ANK2: variants seen among roughly 807,000 people sequenced by gnomAD.
ANK2 encodes ankyrin-2.
ANK2 carries 83 observed loss-of-function variants against 360.5 expected under a neutral mutation model. That is an observed-to-expected ratio of 0.23 (90% CI 0.19 to 0.28). The LOEUF is 0.28. Ranked by LOEUF, ANK2 falls within the 10% of genes least tolerant of loss-of-function variation. ANK2 has a pLI of 1.00. For synonymous variants in ANK2, 1,740 were observed against 1,759.5 expected (o/e 0.99, Z 0.28); for missense variants, 4,201 against 4,795.7 (o/e 0.88, Z 3.66).
intron 22 of ANK2, 39 bp downstream of exon 22, chr4:113,293,577 C>T (rs776793683): frequency 2.6e-6 from 4 of 1,563,202 alleles, no homozygotes; most frequent in African/African-American, 1.4e-5. Flanking sequence ...CCCTGTTATT[C>T]TTCGTTTTCA....
chr4:113,323,680 A>G, intron 26 of ANK2: 1 of 1,382,246 alleles, frequency 7.2e-7, no homozygotes, highest in Non-Finnish European at 1.0e-6. Context: ...TGTATAAATA[A>G]TAAGTCACTT....
At chr4:113,140,423 T>C (rs2096595270) in intron 1 of ANK2, among the ~76,000 whole-genome samples, 1 of 152,218 alleles carries the variant, frequency 6.6e-6, no homozygotes, top group Admixed American at 6.5e-5. Context: ...AGATCTTACA[T>C]ATTAATGATG....
chr4:112,908,048 G>A (rs2085844253), intron 2 of ANK2, among the ~76,000 whole-genome samples: 1 of 152,134 alleles, frequency 6.6e-6, no homozygotes, highest in Non-Finnish European at 1.5e-5. Flanking sequence ...ACTTTGCCTA[G>A]GGCTGAAAAC....
At chr4:113,324,446 T>C (rs1387084197) in intron 26 of ANK2, among the ~76,000 whole-genome samples, 1 of 152,230 alleles carries the variant, frequency 6.6e-6, no homozygotes, top group East Asian at 1.9e-4. Flanking sequence ...CAGCCATCCA[T>C]TATGGTACTA....
At chr4:112,994,633 G>T (rs2047937597) in intron 2 of ANK2, among the ~76,000 whole-genome samples, 1 of 152,096 alleles carries the variant, frequency 6.6e-6, no homozygotes, top group South Asian at 2.1e-4. Flanking sequence ...TAGATTCAGG[G>T]GGTACATGTG....
chr4:113,269,094 CA>C (rs2057426425), intron 14 of ANK2, among the ~76,000 whole-genome samples: 1 of 152,168 alleles, frequency 6.6e-6, no homozygotes, highest in African/African-American at 2.4e-5. Context: ...TGGTGATACT[CA>C]AGCCTCTGTA....
Position 113,346,035 on chromosome 4 carries a change from C to A in ANK2, c.4371+13C>A. On this transcript the variant is annotated intron_variant, in intron 35 of 45. Transcript: ENST00000357077. The stretch of plus-strand genomic sequence containing the variant: ...GATTTATACAAAGGTATCGTAAAAT[C>A]TGCTATAGTGCAATTCAGGTAGAGT... 1 of 1,612,882 alleles carries A rather than the reference C, an allele frequency of 6.2e-7. No individual in the cohort carries two copies. The highest frequency in any genetic ancestry group is 1.1e-5 in the South Asian group (1 of 91,058).
chr4:112,993,426 G>C (rs527279554), intron 2 of ANK2, among the ~76,000 whole-genome samples: 4 of 150,584 alleles, frequency 2.7e-5, no homozygotes, highest in Admixed American at 2.0e-4. Context: ...CTCAGCCTTC[G>C]GAGTAGCTGG....
chr4:112,764,707 CTTT>C, the ANK2 span, among the ~76,000 whole-genome samples: 4 of 132,928 alleles, frequency 3.0e-5, no homozygotes, highest in Admixed American at 7.7e-5. Flanking sequence ...GAAAAGTTAT[CTTT>C]TTTTTTTTTT....
At chr4:113,293,239 G>A in intron 21 of ANK2, 1 of 690,002 alleles carries the variant, frequency 1.4e-6, no homozygotes, top group Non-Finnish European at 2.6e-6. Flanking sequence ...AGCTTGTTGT[G>A]TTACCATGGT....
intron 18 of ANK2, 125 bp downstream of exon 18, chr4:113,282,997 C>G: frequency 9.3e-7 from 1 of 1,071,556 alleles, no homozygotes; most frequent in South Asian, 1.4e-5. Flanking sequence ...CTTACAGACC[C>G]CAAGGACAGG....
intron 1 of ANK2, among the ~76,000 whole-genome samples, chr4:113,077,266 A>G (rs887073033): frequency 4.6e-5 from 7 of 152,192 alleles, no homozygotes; most frequent in Admixed American, 1.3e-4. Flanking sequence ...TTAAAAAGTT[A>G]ATTTTAATAA....
intron 26 of ANK2, among the ~76,000 whole-genome samples, chr4:113,319,171 C>T (rs78875024): frequency 0.027 from 4,099 of 152,210 alleles, 159 homozygotes; most frequent in African/African-American, 0.084. Flanking sequence ...TTTTTAAAGT[C>T]ATTCAGAGAG....
chr4:113,330,755 C>T (rs762732818), intron 27 of ANK2, among the ~76,000 whole-genome samples: 1 of 152,010 alleles, frequency 6.6e-6, no homozygotes, highest in African/African-American at 2.4e-5. Context: ...GTATTTTAGC[C>T]GATGGTAGGT....
At chr4:112,885,997 G>A (rs2078262649) in intron 1 of ANK2, among the ~76,000 whole-genome samples, 1 of 152,180 alleles carries the variant, frequency 6.6e-6, no homozygotes. Context: ...TGGAGCCTCT[G>A]CAGAGCTCAG....
At chr4:112,920,260 G>A (rs534982341) in intron 2 of ANK2, among the ~76,000 whole-genome samples, 1 of 152,280 alleles carries the variant, frequency 6.6e-6, no homozygotes, top group East Asian at 1.9e-4. Context: ...AGAAGACTCA[G>A]CTCATTCTTC....
chr4:112,724,962 T>C, the ANK2 span, among the ~76,000 whole-genome samples: 4 of 152,052 alleles, frequency 2.6e-5, no homozygotes, highest in Non-Finnish European at 4.4e-5. Flanking sequence ...ATACATACAG[T>C]GGAATATTCT....
the ANK2 span, among the ~76,000 whole-genome samples, chr4:112,763,098 A>G: frequency 6.6e-6 from 1 of 152,220 alleles, no homozygotes; most frequent in East Asian, 1.9e-4. Context: ...ATAATCATTT[A>G]AGAAATAAGA....
the ANK2 span, among the ~76,000 whole-genome samples, chr4:112,776,249 T>A: frequency 6.6e-6 from 1 of 152,230 alleles, no homozygotes; most frequent in South Asian, 2.1e-4. Context: ...ATTTATTTAA[T>A]ATAAGCTTTA....
Sources: allele counts gnomAD v4.1 joint callset (sites outside exome capture counted in the v4.1 genomes callset), GRCh38; gene constraint gnomAD v4.1.1; transcripts MANE v1.5; gene names NCBI Gene and HGNC (gene_info 2026-07-23, HGNC 2026-07-21).